The following RIMS1 variants were observed in gnomAD, a reference collection of about 807,000 sequenced individuals.
RIMS1 encodes regulating synaptic membrane exocytosis 1, also known as regulating synaptic membrane exocytosis protein 1.
Under a neutral mutation model 214.1 loss-of-function variants are expected in RIMS1, and 83 were observed. That is an observed-to-expected ratio of 0.39 (90% CI 0.32 to 0.47). RIMS1 has a LOEUF of 0.47. Among genes scored for constraint, RIMS1 ranks in the 20% least tolerant of loss-of-function variants. The probability of loss-of-function intolerance (pLI) is 0.99; values close to 1 mark genes in which losing one functional copy is unlikely to be tolerated. For missense variants in RIMS1, 2,050 were observed against 2,161.8 expected, an observed-to-expected ratio of 0.95 and a Z score of 1.03; for synonymous variants, 793 against 786.8, an observed-to-expected ratio of 1.01 and a Z score of -0.13.
At chr6:72,260,791 G>A (rs780547122) in intron 19 of RIMS1, 24 bp downstream of exon 19, 1 of 1,609,778 alleles carries the variant, frequency 6.2e-7, no homozygotes, top group Non-Finnish European at 8.5e-7. Flanking sequence ...TTTGGTAATG[G>A]TGACTGTGTG....
intron 33 of RIMS1, 39 bp downstream of exon 33, chr6:72,399,133 C>T: frequency 6.6e-7 from 1 of 1,508,752 alleles, no homozygotes; most frequent in Non-Finnish European, 8.9e-7. Flanking sequence ...ATTGAAATGT[C>T]TGTTTTACCC....
rs571160186 is a variant in RIMS1 at position 72,188,489 on chromosome 6, TGAA to T, written c.1678+5343_1678+5345del. 2.9e-3 allele frequency among the ~76,000 whole-genome samples: 444 copies of T among 152,308 alleles called. 1 individual carries two copies. The highest frequency in any genetic ancestry group is 0.01 in the African/African-American group (427 of 41,564). Reference sequence around the variant, plus strand: ...ATGATAAAGGAAAAAGGAAATAAGATGAAGATATTTTCTTAGCACAAGTGTATA... The same window carrying T: ...ATGATAAAGGAAAAAGGAAATAAGATGATATTTTCTTAGCACAAGTGTATA... On this transcript the variant is annotated intron_variant, in intron 6 of 33. Coordinates refer to ENST00000521978, the MANE Select transcript of RIMS1 (RefSeq NM_014989.7).
intron 6 of RIMS1, among the ~76,000 whole-genome samples, chr6:72,187,806 T>C (rs1202512392): frequency 6.6e-6 from 1 of 152,028 alleles, no homozygotes; most frequent in East Asian, 1.9e-4. Flanking sequence ...AATCTCTTGA[T>C]GGAGATTGAT....
intron 6 of RIMS1, among the ~76,000 whole-genome samples, chr6:72,214,746 G>T (rs1029262612): frequency 1.3e-5 from 2 of 151,592 alleles, no homozygotes; most frequent in Non-Finnish European, 2.9e-5. Context: ...TTGGGAGATG[G>T]AATCTTGCTC....
chr6:72,228,720 G>C (rs557891000), intron 6 of RIMS1, among the ~76,000 whole-genome samples: 1 of 151,922 alleles, frequency 6.6e-6, no homozygotes, highest in Admixed American at 6.6e-5. Context: ...TTAATTCTTT[G>C]AGGAAAGTTT....
intron 2 of RIMS1, among the ~76,000 whole-genome samples, chr6:72,001,474 A>C (rs1323865495): frequency 6.6e-6 from 1 of 152,116 alleles, no homozygotes; most frequent in Admixed American, 6.6e-5. Context: ...ATTTATTGTT[A>C]CTGATGCCTT....
chr6:72,276,236 AAAAAG>A (rs1235236530), intron 23 of RIMS1, among the ~76,000 whole-genome samples: 2 of 152,254 alleles, frequency 1.3e-5, no homozygotes, highest in Non-Finnish European at 2.9e-5. Context: ...AAGAAAAGAA[AAAAAG>A]AAAAGATAAT....
intron 6 of RIMS1, among the ~76,000 whole-genome samples, chr6:72,210,658 T>C (rs1018775907): frequency 3.3e-5 from 5 of 152,340 alleles, no homozygotes; most frequent in South Asian, 2.1e-4. Context: ...AAGGAAGTGG[T>C]AATCTAAAGT....
chr6:72,047,312 A>G (rs1245577654), intron 2 of RIMS1, among the ~76,000 whole-genome samples: 2 of 152,168 alleles, frequency 1.3e-5, no homozygotes, highest in Admixed American at 6.6e-5. Context: ...TTCCAAATTA[A>G]TTCCCAATGC....
At chr6:72,294,522 A>G (rs556023884) in intron 26 of RIMS1, among the ~76,000 whole-genome samples, 39 of 151,890 alleles carry the variant, frequency 2.6e-4, no homozygotes, top group African/African-American at 9.1e-4. Flanking sequence ...AGATTACTAG[A>G]TACTGATACA....
At chr6:72,108,738 T>A (rs892911336) in intron 4 of RIMS1, among the ~76,000 whole-genome samples, 1 of 151,930 alleles carries the variant, frequency 6.6e-6, no homozygotes, top group Non-Finnish European at 1.5e-5. Context: ...TTAGGGTACA[T>A]GTGCACAATA....
chr6:72,029,730 A>C (rs893054453), intron 2 of RIMS1, among the ~76,000 whole-genome samples: 2 of 152,168 alleles, frequency 1.3e-5, no homozygotes, highest in African/African-American at 4.8e-5. Context: ...GGAATACCAA[A>C]ACATCTGTCC....
chr6:72,012,479 TA>T lies in RIMS1; in HGVS notation c.245+43424del, dbSNP rs541110426. The stretch of plus-strand genomic sequence containing the variant: ...ATGTACTCTGAAACTTAAAGTATAA[TA>T]AAAAAAACTGAAAAAATTATGAAGT... On this transcript the variant is annotated intron_variant, in intron 2 of 33. Transcript: ENST00000521978. 3.7e-4 allele frequency among the ~76,000 whole-genome samples: 56 copies of T among 151,636 alleles called. 1 individual carries two copies. Among genetic ancestry groups the T allele is most frequent in the Non-Finnish European group, 4.7e-4 (32 of 67,914 alleles).
At chr6:72,103,733 C>T (rs905614934) in intron 4 of RIMS1, among the ~76,000 whole-genome samples, 1 of 152,064 alleles carries the variant, frequency 6.6e-6, no homozygotes, top group African/African-American at 2.4e-5. Context: ...GAGGGACTGC[C>T]AAACTTTCCC....
chr6:72,217,385 G>C lies in RIMS1; in HGVS notation c.1679-16388G>C, dbSNP rs950395948. 4.6e-6 allele frequency: 3 copies of C among 646,396 alleles called. No individual in the cohort carries two copies. The South Asian group carries it at 8.3e-5, about 18-fold the overall frequency. The allele number at this position is 646,396 out of a possible 1,614,324, so 40.0% of individuals were successfully genotyped here. On this transcript the variant is annotated intron_variant, in intron 6 of 33. Transcript: ENST00000521978. ...AGGATGTTTTGCTTTATATAAATAT[G>C]TAATTTTAGGATGCAATAATGATTA... is the stretch of plus-strand genomic sequence containing the variant.
intron 29 of RIMS1, among the ~76,000 whole-genome samples, chr6:72,355,288 A>G (rs1287183547): frequency 4.6e-5 from 7 of 152,122 alleles, no homozygotes; most frequent in Non-Finnish European, 8.8e-5. Flanking sequence ...AAATCCCTGT[A>G]AGTATTACAA....
chr6:71,990,955 TAAC>T lies in RIMS1; in HGVS notation c.245+21894_245+21896del, dbSNP rs1283257100. Reference sequence around the variant, plus strand: ...AAAATATATTTTAAAACAATTAAGATAACAGAATTCTGTCACATCTAAGAAGGC... The same window carrying T: ...AAAATATATTTTAAAACAATTAAGATAGAATTCTGTCACATCTAAGAAGGC... On this transcript the variant is annotated intron_variant, in intron 2 of 33. Transcript: ENST00000521978. 3.3e-5 allele frequency among the ~76,000 whole-genome samples: 5 copies of T among 152,230 alleles called. No homozygotes were observed. In the South Asian group the frequency reaches 6.2e-4, roughly 19 times the overall value.
intron 4 of RIMS1, among the ~76,000 whole-genome samples, chr6:72,118,311 T>A (rs916250134): frequency 2.0e-5 from 3 of 151,378 alleles, no homozygotes; most frequent in Admixed American, 6.6e-5. Context: ...CCCTGTTATT[T>A]TTTTTTTATT....
At chr6:72,259,658 A>T (rs1210157884) in intron 18 of RIMS1, among the ~76,000 whole-genome samples, 1 of 152,152 alleles carries the variant, frequency 6.6e-6, no homozygotes, top group Non-Finnish European at 1.5e-5. Flanking sequence ...ATATGTGCTT[A>T]GATTTAATTC....
Sources: allele counts gnomAD v4.1 joint callset (sites outside exome capture counted in the v4.1 genomes callset), GRCh38; gene constraint gnomAD v4.1.1; transcripts MANE v1.5; gene names NCBI Gene and HGNC (gene_info 2026-07-23, HGNC 2026-07-21).